CUL5: variants seen among roughly 807,000 people sequenced by gnomAD.
CUL5 encodes cullin-5.
In CUL5, 26 loss-of-function variants were observed where a neutral mutation model predicts 108.8. That is an observed-to-expected ratio of 0.24 (90% CI 0.18 to 0.33). The LOEUF (loss-of-function observed/expected upper bound fraction) is 0.33, where lower values mean the gene tolerates loss of function less well. CUL5 is among the 10% of genes least tolerant of loss of function. The pLI is 1.00. For missense variants in CUL5, 524 were observed against 909.2 expected (o/e 0.58, Z 5.45); for synonymous variants, 334 against 298.0 (o/e 1.12, Z -1.25).
intron 1 of CUL5, among the ~76,000 whole-genome samples, chr11:108,030,407 G>A (rs1008691840): frequency 1.3e-5 from 2 of 152,194 alleles, no homozygotes; most frequent in South Asian, 4.1e-4. Flanking sequence ...GGAGGCTGAC[G>A]TGGGCAGATC....
At chr11:108,101,244 AGT>A (rs1315441048) in intron 18 of CUL5, among the ~76,000 whole-genome samples, 1 of 152,134 alleles carries the variant, frequency 6.6e-6, no homozygotes, top group Non-Finnish European at 1.5e-5. Context: ...GGATATATTG[AGT>A]GTGAGAGGGA....
chr11:108,084,978 C>T (rs1168132219), intron 11 of CUL5: 2 of 152,216 alleles, frequency 1.3e-5, no homozygotes, highest in African/African-American at 4.8e-5. Context: ...GTAGTTGTTC[C>T]TTCTCCACTC....
chr11:108,063,630 TAATA>T (rs1302680263), intron 7 of CUL5, among the ~76,000 whole-genome samples: 7 of 136,214 alleles, frequency 5.1e-5, no homozygotes, highest in South Asian at 2.3e-4. Context: ...TAATAAAATT[TAATA>T]AATAATAAAA....
At chr11:108,099,631 T>C (rs1166716097) in intron 18 of CUL5, among the ~76,000 whole-genome samples, 1 of 152,214 alleles carries the variant, frequency 6.6e-6, no homozygotes, top group Non-Finnish European at 1.5e-5. Context: ...TTTCAAAGTA[T>C]AATTTTCAGT....
intron 1 of CUL5, among the ~76,000 whole-genome samples, chr11:108,014,975 T>A (rs1013256325): frequency 6.6e-6 from 1 of 152,210 alleles, no homozygotes; most frequent in African/African-American, 2.4e-5. Context: ...CTTGGCTCAC[T>A]GCAACCTCCA....
chr11:108,035,177 C>G (rs1297053238), intron 2 of CUL5, among the ~76,000 whole-genome samples: 1 of 152,156 alleles, frequency 6.6e-6, no homozygotes, highest in East Asian at 1.9e-4. Context: ...GGGTCAAAAT[C>G]TAATCTGTAA....
chr11:108,091,695 T>TCACACACACACACACACACACACACA (rs71303233), intron 13 of CUL5, among the ~76,000 whole-genome samples: 4 of 138,098 alleles, frequency 2.9e-5, no homozygotes, highest in African/African-American at 8.3e-5. Context: ...TCTCTCTCAC[T>TCACACACACACACACACACACACACA]CACACACACA....
intron 1 of CUL5, among the ~76,000 whole-genome samples, chr11:108,026,365 C>T (rs1862451188): frequency 6.6e-6 from 1 of 152,128 alleles, no homozygotes; most frequent in Non-Finnish European, 1.5e-5. Context: ...ATGTATTTTT[C>T]ACATCTTTTC....
At chr11:108,088,367 C>T (rs191341857) in intron 11 of CUL5, among the ~76,000 whole-genome samples, 160 bp from the exon 12 acceptor site, 11 of 152,216 alleles carry the variant, frequency 7.2e-5, no homozygotes, top group Admixed American at 5.9e-4. Context: ...GTGAGTGCCT[C>T]CCTAAATTAG....
chr11:108,018,857 G>A (rs1269942086), intron 1 of CUL5, among the ~76,000 whole-genome samples: 3 of 152,144 alleles, frequency 2.0e-5, no homozygotes, highest in Non-Finnish European at 4.4e-5. Context: ...CAGCCACACT[G>A]CTTGGGTTGG....
At chr11:108,034,188 G>GA (rs1862667609) in intron 2 of CUL5, among the ~76,000 whole-genome samples, 1 of 152,070 alleles carries the variant, frequency 6.6e-6, no homozygotes, top group South Asian at 2.1e-4. Context: ...TGAAGTGCAG[G>GA]AAAAAACAAG....
At chr11:108,102,341 T>G (rs1864693355) in intron 18 of CUL5, among the ~76,000 whole-genome samples, 1 of 152,096 alleles carries the variant, frequency 6.6e-6, no homozygotes, top group South Asian at 2.1e-4. Context: ...TTTTCTATTC[T>G]TTTGAGACAG....
At chr11:108,048,251 CAA>C (rs537658328) in intron 3 of CUL5, among the ~76,000 whole-genome samples, 1 of 141,516 alleles carries the variant, frequency 7.1e-6, no homozygotes, top group African/African-American at 2.6e-5. Flanking sequence ...TTTTAAAGAA[CAA>C]AAAAAAAAGT....
chr11:108,009,072 G>T lies in CUL5; in HGVS notation c.-277G>T. The stretch of plus-strand genomic sequence containing the variant: ...CCTCTTCCAAGTCAGGTCGGCTCCC[G>T]TTACCTTCTCAGCATTCGCCGTTCC... On this transcript the variant is annotated 5_prime_UTR_variant, in exon 1 of 19. Transcript: ENST00000393094. 5.7e-6 allele frequency: 3 copies of T among 522,044 alleles called. No individual in the cohort carries two copies. The highest frequency in any genetic ancestry group is 5.4e-5 in the South Asian group (2 of 37,284). The allele number at this position is 522,044 out of a possible 1,614,324, so 32.3% of individuals were successfully genotyped here.
Position 108,075,574 on chromosome 11 carries a change from C to T in CUL5, c.1113+2077C>T, listed in dbSNP as rs542306266. ...GACTTGTCAGGGAAGTTCGCTGTGT[C>T]GCCCAGTCTGGAGTGCAGTGGTGCA... On this transcript the variant is annotated intron_variant, in intron 10 of 18. Transcript: ENST00000393094. Among the ~76,000 whole-genome samples the T allele has an allele frequency of 3.2e-3, 494 of 152,298 alleles. 12 individuals carry two copies. Among genetic ancestry groups the T allele is most frequent in the Non-Finnish European group, 7.6e-4 (52 of 68,026 alleles).
In CUL5 at chr11:108,072,397, T is replaced by C. The variant is rs111339569; in HGVS notation, c.940T>C (p.Leu314=). ...PNGIEPMLKD[L]EEHIISAGLA... ...TGGTATAGAGCCAATGTTGAAAGAC[T>C]TGGAGGAACATATCATTAGTGCTGG... Residue 314 remains leucine, a synonymous_variant, in exon 9 of 19, where the codon TTG becomes CTG. Coordinates refer to ENST00000393094, the MANE Select transcript of CUL5 (RefSeq NM_003478.6). 2.4e-3 allele frequency: 3,944 copies of C among 1,612,654 alleles called. 82 individuals carry two copies. In the African/African-American group the frequency reaches 0.047, roughly 19 times the overall value.
intron 2 of CUL5, among the ~76,000 whole-genome samples, 184 bp downstream of exon 2, chr11:108,034,095 AACATACAATCATACTC>A (rs1358984314): frequency 3.3e-5 from 5 of 152,186 alleles, no homozygotes; most frequent in African/African-American, 1.2e-4. Flanking sequence ...CACAGGACTG[AACATACAATCATACTC>A]ACAGCTTTGA....
chr11:108,080,890 A>AT (rs1474264585), intron 11 of CUL5, among the ~76,000 whole-genome samples: 1 of 151,642 alleles, frequency 6.6e-6, no homozygotes, highest in East Asian at 1.9e-4. Context: ...CAGTTTACCT[A>AT]TTTTTTTCTT....
chr11:108,053,759 GCCTCCA>G (rs1863301566), intron 5 of CUL5, among the ~76,000 whole-genome samples: 1 of 150,438 alleles, frequency 6.6e-6, no homozygotes, highest in Non-Finnish European at 1.5e-5. Flanking sequence ...GGCTCATTGA[GCCTCCA>G]CCTCTCAGGC....
Sources: allele counts gnomAD v4.1 joint callset (sites outside exome capture counted in the v4.1 genomes callset), GRCh38; gene constraint gnomAD v4.1.1; transcripts MANE v1.5; gene names NCBI Gene and HGNC (gene_info 2026-07-23, HGNC 2026-07-21).